RSPO4: variants seen among roughly 807,000 people sequenced by gnomAD.
RSPO4 encodes R-spondin 4, also known as R-spondin-4.
Under a neutral mutation model 24.8 loss-of-function variants are expected in RSPO4, and 23 were observed. The observed-to-expected ratio is 0.93, with a 90% confidence interval of 0.67 to 1.31. RSPO4 has a LOEUF of 1.31. RSPO4 is among the 40% of genes most tolerant of loss of function. The pLI, the probability that RSPO4 is intolerant of heterozygous loss-of-function variation, is 0.00. For missense variants in RSPO4, 333 were observed against 316.5 expected (o/e 1.05, Z -0.39); for synonymous variants, 141 against 127.4 (o/e 1.11, Z -0.72).
chr20:992,402 A>G lies in RSPO4; in HGVS notation c.79+9684T>C, dbSNP rs1213347351. Among the ~76,000 whole-genome samples, 3 of 151,412 alleles carry G rather than the reference A, an allele frequency of 2.0e-5. No homozygotes were observed. The Admixed American group carries it at 2.0e-4, about 10-fold the overall frequency. On this transcript the variant is annotated intron_variant, in intron 1 of 4. Coordinates refer to ENST00000217260, the MANE Select transcript of RSPO4 (RefSeq NM_001029871.4). ...GTCACACAGCACTTAGGACCACCCT[A>G]TCCTCTGAATCTGGCATGCTCAAAA...
intron 3 of RSPO4, 144 bp downstream of exon 3, chr20:967,030 T>C: frequency 1.4e-6 from 1 of 733,270 alleles, no homozygotes; most frequent in South Asian, 1.8e-5. Flanking sequence ...AGGTACCCAG[T>C]GTACCTGACA....
intron 3 of RSPO4, among the ~76,000 whole-genome samples, chr20:964,603 A>T (rs373053265): frequency 1.3e-3 from 196 of 151,916 alleles, no homozygotes; most frequent in African/African-American, 4.6e-3. Flanking sequence ...TGTGTCTTTG[A>T]TCAACTTTGG....
chr20:991,339 A>G (rs1351807680), intron 1 of RSPO4, among the ~76,000 whole-genome samples: 2 of 152,010 alleles, frequency 1.3e-5, no homozygotes, highest in Admixed American at 1.3e-4. Flanking sequence ...CCCACTCAAA[A>G]ACCAATGGAT....
intron 1 of RSPO4, among the ~76,000 whole-genome samples, chr20:1,001,479 G>A (rs1985460140): frequency 6.6e-6 from 1 of 152,210 alleles, no homozygotes; most frequent in South Asian, 2.1e-4. Flanking sequence ...GAGAGGTGAA[G>A]ATGGAAAAGC....
intron 4 of RSPO4, among the ~76,000 whole-genome samples, chr20:960,751 A>T (rs1373319696): frequency 2.6e-5 from 4 of 152,162 alleles, no homozygotes; most frequent in African/African-American, 9.7e-5. Context: ...CTGCAGGTTC[A>T]CCTGGGGCCC....
At chr20:992,601 G>A (rs905389864) in intron 1 of RSPO4, among the ~76,000 whole-genome samples, 1 of 152,102 alleles carries the variant, frequency 6.6e-6, no homozygotes, top group Non-Finnish European at 1.5e-5. Flanking sequence ...GGCGTCACAT[G>A]CATAGTCATC....
Position 968,155 on chromosome 20 carries a change from G to T in RSPO4, c.80-17C>A. On this transcript the variant is annotated splice_polypyrimidine_tract_variant and intron_variant, in intron 1 of 4. Transcript: ENST00000217260. ...CAGTGCCCACTGCCCACAAGACCAG[G>T]GCAGAAGGAGGGGGAAAGGGAGAGA... is the stretch of plus-strand genomic sequence containing the variant. The T allele has an allele frequency of 6.2e-7, 1 of 1,611,754 alleles. No homozygotes were observed. The highest frequency in any genetic ancestry group is 1.7e-4 in the Middle Eastern group (1 of 5,962).
chr20:959,563 C>G lies in RSPO4; in HGVS notation c.*794G>C, dbSNP rs516714. 0.25 allele frequency: 38,839 copies of G among 152,414 alleles called. 9,336 individuals are homozygous for G. The highest frequency in any genetic ancestry group is 0.64 in the African/African-American group (26,454 of 41,500). 9.4% of individuals were successfully genotyped at this position (152,414 alleles called of 1,614,324 possible). The stretch of plus-strand genomic sequence containing the variant: ...CGGCTTGGGAAAAAGGGGCATGGAA[C>G]CCATGAGAGGGAGGCCTGTGGGGGA... On this transcript the variant is annotated 3_prime_UTR_variant, in exon 5 of 5. Coordinates refer to ENST00000217260, the MANE Select transcript of RSPO4 (RefSeq NM_001029871.4).
chr20:985,235 A>C (rs1984879962), intron 1 of RSPO4, among the ~76,000 whole-genome samples: 1 of 133,148 alleles, frequency 7.5e-6, no homozygotes. Context: ...CCACCCATAT[A>C]TCCATCCACT....
intron 1 of RSPO4, among the ~76,000 whole-genome samples, chr20:982,008 G>C (rs1350278005): frequency 6.6e-6 from 1 of 152,186 alleles, no homozygotes; most frequent in Non-Finnish European, 1.5e-5. Flanking sequence ...TGTGTTTCTG[G>C]TGGGAGCCCT....
chr20:960,507 G>A, intron 4 of RSPO4, 41 bp from the exon 5 acceptor site: 2 of 1,426,438 alleles, frequency 1.4e-6, no homozygotes, highest in South Asian at 1.2e-5. Flanking sequence ...AGGCTGCAGG[G>A]CCAGTTAGGT....
intron 1 of RSPO4, among the ~76,000 whole-genome samples, chr20:988,709 C>A (rs923874196): frequency 6.6e-6 from 1 of 152,094 alleles, no homozygotes; most frequent in African/African-American, 2.4e-5. Context: ...CACCACCATG[C>A]CTGGCTAATT....
At chr20:990,474 C>CTTCCTTCT (rs1568928951) in intron 1 of RSPO4, among the ~76,000 whole-genome samples, 2 of 139,384 alleles carry the variant, frequency 1.4e-5, no homozygotes, top group African/African-American at 5.8e-5. Flanking sequence ...TCCTTCCTTC[C>CTTCCTTCT]TTCCTTCTTT....
At chr20:966,672 T>C (rs1173533151) in intron 3 of RSPO4, among the ~76,000 whole-genome samples, 5 of 152,136 alleles carry the variant, frequency 3.3e-5, no homozygotes, top group East Asian at 3.9e-4. Context: ...CTGGGCAACA[T>C]AGCAAGAGCC....
At chr20:961,292 G>A (rs1600086478) in intron 4 of RSPO4, among the ~76,000 whole-genome samples, 2 of 152,162 alleles carry the variant, frequency 1.3e-5, no homozygotes, top group African/African-American at 2.4e-5. Flanking sequence ...CATTGCTTGG[G>A]CCCCATTCAG....
chr20:992,788 C>T (rs537584548), intron 1 of RSPO4, among the ~76,000 whole-genome samples: 8 of 152,304 alleles, frequency 5.3e-5, no homozygotes, highest in East Asian at 1.9e-4. Flanking sequence ...CCCTTTTAAC[C>T]GTCATTGATG....
chr20:991,486 A>G (rs6133676), intron 1 of RSPO4, among the ~76,000 whole-genome samples: 10,793 of 152,258 alleles, frequency 0.071, 428 homozygotes, highest in East Asian at 0.15. Flanking sequence ...AGGAAGCCCT[A>G]CAAATTGACA....
At chr20:969,503 G>A (rs1832503525) in intron 1 of RSPO4, among the ~76,000 whole-genome samples, 1 of 152,166 alleles carries the variant, frequency 6.6e-6, no homozygotes, top group Non-Finnish European at 1.5e-5. Context: ...ATAGCCCTGC[G>A]AATCTGCCCC....
intron 1 of RSPO4, among the ~76,000 whole-genome samples, chr20:975,652 T>C (rs2122230389): frequency 6.6e-6 from 1 of 152,334 alleles, no homozygotes; most frequent in East Asian, 1.9e-4. Flanking sequence ...ATGACAACTC[T>C]GAATGCGTGC....
Sources: gnomAD v4.1 joint callset for allele counts (sites outside exome capture counted in the v4.1 genomes callset) on GRCh38, gnomAD v4.1.1 for gene constraint, MANE v1.5 for transcripts, NCBI Gene and HGNC (gene_info 2026-07-23, HGNC 2026-07-21) for gene names.